Variants in FAM20C observed in about 807,000 individuals in gnomAD.
The protein encoded by FAM20C is FAM20C golgi associated secretory pathway kinase, also known as extracellular serine/threonine protein kinase FAM20C.
In FAM20C, 40 loss-of-function variants were observed where a neutral mutation model predicts 51.5. The ratio of observed to expected loss-of-function variants is 0.78; its 90% CI spans 0.60 to 1.01. The LOEUF (loss-of-function observed/expected upper bound fraction) is 1.01, where lower values mean the gene tolerates loss of function less well. Ranked by LOEUF, FAM20C falls within the 50% of genes least tolerant of loss-of-function variation. The pLI, the probability that FAM20C is intolerant of heterozygous loss-of-function variation, is 0.00. For synonymous variants in FAM20C, 406 were observed against 380.6 expected, an observed-to-expected ratio of 1.07 and a Z score of -0.78; for missense variants, 861 against 844.7, an observed-to-expected ratio of 1.02 and a Z score of -0.24.
Position 193,370 on chromosome 7 carries a change from G to T in FAM20C, c.171G>T (p.Ala57=). 1 of 1,267,026 alleles carries T rather than the reference G, an allele frequency of 7.9e-7. No homozygotes were observed. Among genetic ancestry groups the T allele is most frequent in the Non-Finnish European group, 9.9e-7 (1 of 1,007,230 alleles). 78.5% of individuals were successfully genotyped at this position (1,267,026 alleles called of 1,614,324 possible). A position where few individuals can be genotyped will look rare whatever the true frequency, so the allele number is the denominator to read the frequency against. The change falls in exon 1 of 10, where the codon GCG becomes GCT. Residue 57 remains alanine, a synonymous_variant. Coordinates refer to ENST00000313766, the MANE Select transcript of FAM20C (RefSeq NM_020223.4). ...CGCAGCCCGCCGCCGAGGTGGCCGC[G>T]CCCGGCTGGGCCCAGGTTCGGGGCC... ...SCAQPAAEVA[A]PGWAQVRGRP...
chr7:255,739 G>A (rs1562399213), intron 5 of FAM20C, 110 bp from the exon 6 acceptor site: 1 of 1,195,200 alleles, frequency 8.4e-7, no homozygotes, highest in Non-Finnish European at 1.2e-6. Flanking sequence ...GGTGAGTCCT[G>A]CCCATGAGAA....
chr7:252,272 G>A (rs1430140422), intron 5 of FAM20C, among the ~76,000 whole-genome samples: 4 of 146,554 alleles, frequency 2.7e-5, no homozygotes, highest in Non-Finnish European at 4.6e-5. Context: ...ACATCAGAGG[G>A]CTGAGCCCAC....
intron 3 of FAM20C, among the ~76,000 whole-genome samples, chr7:219,564 G>T (rs775454331): frequency 6.6e-6 from 1 of 151,982 alleles, no homozygotes; most frequent in Admixed American, 6.5e-5. Flanking sequence ...GGCTGTGGCT[G>T]TGCAGACCCC....
intron 3 of FAM20C, among the ~76,000 whole-genome samples, chr7:230,891 A>C (rs1787644366): frequency 6.6e-6 from 1 of 152,164 alleles, no homozygotes; most frequent in Non-Finnish European, 1.5e-5. Context: ...CCAGTAAATG[A>C]AGGGAAAAGC....
chr7:235,699 C>T (rs1013319713), intron 3 of FAM20C, among the ~76,000 whole-genome samples: 14 of 152,178 alleles, frequency 9.2e-5, no homozygotes, highest in Non-Finnish European at 1.2e-4. Flanking sequence ...GTCAGCTCAG[C>T]TTGCTGCTGG....
rs1424967117 is a variant in FAM20C at position 257,999 on chromosome 7, G to A, written c.1446-647G>A. 5.1e-5 allele frequency among the ~76,000 whole-genome samples: 5 copies of A among 98,928 alleles called. 1 individual carries two copies. The highest frequency in any genetic ancestry group is 5.5e-4 in the East Asian group (2 of 3,644). 64.9% of individuals were successfully genotyped at this position (98,928 alleles called of 152,430 possible). A position where few individuals can be genotyped will look rare whatever the true frequency, so the allele number is the denominator to read the frequency against. On this transcript the variant is annotated intron_variant, in intron 8 of 9. Coordinates refer to ENST00000313766, the MANE Select transcript of FAM20C (RefSeq NM_020223.4). Reference sequence around the variant, plus strand: ...GATAGGCAGTGTGGACCCACTGCCTGGGGTGCTGGAGATGGGGCTGGGTGG... The same window carrying A: ...GATAGGCAGTGTGGACCCACTGCCTAGGGTGCTGGAGATGGGGCTGGGTGG...
At chr7:216,916 G>A (rs920394868) in intron 3 of FAM20C, among the ~76,000 whole-genome samples, 16 of 152,062 alleles carry the variant, frequency 1.1e-4, no homozygotes, top group Admixed American at 3.9e-4. Flanking sequence ...GCCTGTCTCC[G>A]GGCAGCAGAG....
intron 3 of FAM20C, among the ~76,000 whole-genome samples, chr7:218,225 A>G (rs757858367): frequency 6.6e-6 from 1 of 152,222 alleles, no homozygotes; most frequent in African/African-American, 2.4e-5. Flanking sequence ...AATGAAGCAA[A>G]GTATTTAGGT....
At chr7:222,687 A>G (rs1049533070) in intron 3 of FAM20C, among the ~76,000 whole-genome samples, 3 of 152,162 alleles carry the variant, frequency 2.0e-5, no homozygotes, top group African/African-American at 7.2e-5. Flanking sequence ...GCCCAGCACA[A>G]GGGGAGGCAG....
chr7:243,229 A>G (rs534147211), intron 3 of FAM20C, among the ~76,000 whole-genome samples: 2 of 560 alleles, frequency 3.6e-3, no homozygotes, highest in Admixed American at 5.4e-3. Context: ...GTGCCACCCA[A>G]GAGACCTGTG....
chr7:218,005 C>T (rs1387716626), intron 3 of FAM20C, among the ~76,000 whole-genome samples: 2 of 152,138 alleles, frequency 1.3e-5, no homozygotes, highest in Admixed American at 6.5e-5. Flanking sequence ...TCCCCGTCGG[C>T]CCCGGGATGC....
At chr7:223,853 C>A (rs569194274) in intron 3 of FAM20C, among the ~76,000 whole-genome samples, 2 of 126,100 alleles carry the variant, frequency 1.6e-5, no homozygotes, top group Non-Finnish European at 3.1e-5. Flanking sequence ...TCGAGAGACT[C>A]TATGGGGTCC....
chr7:233,093 G>A (rs1045256437), intron 3 of FAM20C, among the ~76,000 whole-genome samples: 4 of 152,226 alleles, frequency 2.6e-5, no homozygotes, highest in Admixed American at 2.0e-4. Context: ...CTGGCCGTGC[G>A]ATTCTGCAGA....
At chr7:218,318 C>G (rs752051596) in intron 3 of FAM20C, among the ~76,000 whole-genome samples, 12 of 152,242 alleles carry the variant, frequency 7.9e-5, no homozygotes, top group Non-Finnish European at 1.5e-4. Context: ...GCCGGGGCCC[C>G]TTTCCGGTGC....
Position 193,717 on chromosome 7 carries a change from C to T in FAM20C, c.518C>T (p.Ala173Val), listed in dbSNP as rs749450491. 1.3e-6 allele frequency: 2 copies of T among 1,546,524 alleles called. No homozygotes were observed. The highest frequency in any genetic ancestry group is 2.5e-5 in the East Asian group (1 of 40,702). ...TTCGAGCACCCGCTTTACCGGGTGGCGGTTCCGCCGCTCACGGAGGAGGAC... is the reference window on the plus strand; with the variant it reads ...TTCGAGCACCCGCTTTACCGGGTGGTGGTTCCGCCGCTCACGGAGGAGGAC... ...RLFEHPLYRVAVPPLTEEDVL... is the reference protein window; with the variant it reads ...RLFEHPLYRVVVPPLTEEDVL... The change falls in exon 1 of 10, where the codon GCG (alanine) becomes GTG (valine). Residue 173 changes from alanine to valine, a missense_variant. Coordinates refer to ENST00000313766, the MANE Select transcript of FAM20C (RefSeq NM_020223.4).
chr7:216,567 GAC>G (rs1330232952), intron 3 of FAM20C, among the ~76,000 whole-genome samples: 1 of 151,876 alleles, frequency 6.6e-6, no homozygotes, highest in East Asian at 1.9e-4. Context: ...TTTCTCCAGA[GAC>G]ACCTGCCCTC....
At position 258,450 on chromosome 7, in the gene FAM20C, G is replaced by GGACCCACTGCCCGGGTGCT. The variant is rs1788732204; in HGVS notation, c.1446-195_1446-194insACCCACTGCCCGGGTGCTG. The stretch of plus-strand genomic sequence containing the variant: ...ACTGCCTGGGGTGCTGGAGATGGGT[G>GGACCCACTGCCCGGGTGCT]GGATGGACCCACTGCCTGGGGTGCT... On this transcript the variant is annotated intron_variant, in intron 8 of 9. Coordinates refer to ENST00000313766, the MANE Select transcript of FAM20C (RefSeq NM_020223.4). Among the ~76,000 whole-genome samples the GGACCCACTGCCCGGGTGCT allele has an allele frequency of 1.5e-4, 7 of 45,174 alleles. 1 individual carries two copies. Among genetic ancestry groups the GGACCCACTGCCCGGGTGCT allele is most frequent in the African/African-American group, 5.5e-4 (7 of 12,648 alleles). 29.6% of individuals were successfully genotyped at this position (45,174 alleles called of 152,430 possible). A position where few individuals can be genotyped will look rare whatever the true frequency, so the allele number is the denominator to read the frequency against.
intron 5 of FAM20C, among the ~76,000 whole-genome samples, chr7:254,741 T>G (rs867619119): frequency 6.6e-6 from 1 of 152,184 alleles, no homozygotes; most frequent in African/African-American, 2.4e-5. Context: ...CCCCGTACCA[T>G]GAGCAGGCGG....
At chr7:218,424 G>C (rs1168405903) in intron 3 of FAM20C, among the ~76,000 whole-genome samples, 2 of 152,226 alleles carry the variant, frequency 1.3e-5, no homozygotes, top group African/African-American at 2.4e-5. Flanking sequence ...TGACCCTCGG[G>C]TGTGGCCCCT....
Sources: gnomAD v4.1 joint callset for allele counts (sites outside exome capture counted in the v4.1 genomes callset) on GRCh38, gnomAD v4.1.1 for gene constraint, MANE v1.5 for transcripts, NCBI Gene and HGNC (gene_info 2026-07-23, HGNC 2026-07-21) for gene names.